The following RAB3C variants were observed in gnomAD, a reference collection of about 807,000 sequenced individuals.
The protein encoded by RAB3C is ras-related protein Rab-3C.
RAB3C carries 17 observed loss-of-function variants against 26.4 expected under a neutral mutation model. That is an observed-to-expected ratio of 0.64 (90% CI 0.44 to 0.97). The LOEUF (loss-of-function observed/expected upper bound fraction) is 0.97. Ranked by LOEUF, RAB3C falls within the 50% of genes least tolerant of loss-of-function variation. The pLI is 0.00. For missense variants in RAB3C, 242 were observed against 281.9 expected (o/e 0.86, Z 1.01); for synonymous variants, 91 against 95.9 (o/e 0.95, Z 0.30).
At chr5:58,659,550 C>G (rs1747854390) in intron 2 of RAB3C, among the ~76,000 whole-genome samples, 1 of 152,066 alleles carries the variant, frequency 6.6e-6, no homozygotes, top group Admixed American at 6.6e-5. Flanking sequence ...ATACTGTATC[C>G]CTCCAGAATC....
At chr5:58,624,719 C>A (rs1327655365) in intron 2 of RAB3C, among the ~76,000 whole-genome samples, 1 of 152,134 alleles carries the variant, frequency 6.6e-6, no homozygotes, top group Non-Finnish European at 1.5e-5. Context: ...TACAGTGGAA[C>A]ATGCAGGCAA....
intron 2 of RAB3C, among the ~76,000 whole-genome samples, chr5:58,657,356 C>T (rs569946255): frequency 1.3e-5 from 2 of 151,100 alleles, no homozygotes; most frequent in African/African-American, 2.4e-5. Context: ...ACTTATGTAA[C>T]CAAATACCAC....
chr5:58,798,934 A>G (rs1485855880), intron 3 of RAB3C, among the ~76,000 whole-genome samples: 1 of 152,222 alleles, frequency 6.6e-6, no homozygotes, highest in Non-Finnish European at 1.5e-5. Flanking sequence ...ACATAATAAA[A>G]AATGAAAAAG....
intron 4 of RAB3C, among the ~76,000 whole-genome samples, chr5:58,826,371 T>TGA (rs1282753307): frequency 6.6e-6 from 1 of 151,776 alleles, no homozygotes; most frequent in Non-Finnish European, 1.5e-5. Context: ...GAGCATAAGG[T>TGA]GAGAGGACAG....
Position 58,583,217 on chromosome 5 carries a change from C to A in RAB3C, c.9C>A (p.His3Gln). 1 of 1,614,178 alleles carries A rather than the reference C, an allele frequency of 6.2e-7. No individual in the cohort carries two copies. The highest frequency in any genetic ancestry group is 2.2e-5 in the East Asian group (1 of 44,868). MR[H>Q]EAPMQMASAQ... ...AAGGACATTTGCCAACAATGAGACA[C>A]GAAGCGCCCATGCAGGTGGGTCCAT... Residue 3 changes from histidine (H) to glutamine (Q), a missense_variant, in exon 1 of 5, where the codon CAC (histidine) becomes CAA (glutamine). Physicochemically the swap from His to Gln is conservative, Grantham distance 24. Transcript: ENST00000282878.
At chr5:58,641,848 C>T (rs1747418871) in intron 2 of RAB3C, among the ~76,000 whole-genome samples, 1 of 152,140 alleles carries the variant, frequency 6.6e-6, no homozygotes, top group Non-Finnish European at 1.5e-5. Flanking sequence ...TCTTTTTCTC[C>T]ACTTTTTGTT....
intron 2 of RAB3C, among the ~76,000 whole-genome samples, chr5:58,686,303 T>C (rs1748443319): frequency 6.6e-6 from 1 of 152,126 alleles, no homozygotes; most frequent in South Asian, 2.1e-4. Flanking sequence ...AACACATAGA[T>C]TGGCTCAGCA....
At chr5:58,819,349 C>G (rs1454932999) in intron 3 of RAB3C, among the ~76,000 whole-genome samples, 1 of 152,168 alleles carries the variant, frequency 6.6e-6, no homozygotes, top group African/African-American at 2.4e-5. Context: ...GGGATGGGAA[C>G]TGAATTACTA....
chr5:58,621,546 T>A (rs1443721957), intron 2 of RAB3C, among the ~76,000 whole-genome samples: 1 of 152,156 alleles, frequency 6.6e-6, no homozygotes, highest in Admixed American at 6.5e-5. Flanking sequence ...AAAATCAAAC[T>A]TGAGGCCAGG....
chr5:58,726,961 C>A (rs1169561287), intron 3 of RAB3C, among the ~76,000 whole-genome samples: 1 of 151,926 alleles, frequency 6.6e-6, no homozygotes, highest in African/African-American at 2.4e-5. Context: ...CTAGGTAGGG[C>A]TTTGTGTGAC....
At chr5:58,703,801 A>C (rs547040562) in intron 2 of RAB3C, among the ~76,000 whole-genome samples, 1 of 152,158 alleles carries the variant, frequency 6.6e-6, no homozygotes, top group African/African-American at 2.4e-5. Context: ...GCATCACTAC[A>C]CTAAACTTAT....
intron 3 of RAB3C, among the ~76,000 whole-genome samples, chr5:58,774,653 G>A (rs549510759): frequency 2.6e-5 from 4 of 152,192 alleles, no homozygotes; most frequent in African/African-American, 9.6e-5. Flanking sequence ...TGGGGGCAGA[G>A]TCTACTAGGG....
intron 3 of RAB3C, among the ~76,000 whole-genome samples, chr5:58,804,683 G>A (rs900292540): frequency 1.3e-5 from 2 of 151,976 alleles, no homozygotes; most frequent in Non-Finnish European, 2.9e-5. Context: ...GTGTGTGTGT[G>A]TGTGTGTATG....
chr5:58,753,091 A>T (rs1741569650), intron 3 of RAB3C, among the ~76,000 whole-genome samples: 1 of 152,198 alleles, frequency 6.6e-6, no homozygotes, highest in African/African-American at 2.4e-5. Flanking sequence ...TTCCTCCAAG[A>T]TTCATAAATA....
chr5:58,711,936 C>A (rs780130815), intron 2 of RAB3C, among the ~76,000 whole-genome samples: 2 of 152,102 alleles, frequency 1.3e-5, no homozygotes, highest in African/African-American at 2.4e-5. Flanking sequence ...AAACAGAAGC[C>A]TCTGCAATAC....
intron 4 of RAB3C, among the ~76,000 whole-genome samples, chr5:58,849,489 A>G (rs930974774): frequency 5.9e-5 from 9 of 152,190 alleles, no homozygotes; most frequent in Non-Finnish European, 1.2e-4. Context: ...AGACTGCACA[A>G]ACATTATAAA....
chr5:58,838,990 A>AT (rs34573892), intron 4 of RAB3C, among the ~76,000 whole-genome samples: 87,536 of 150,518 alleles, frequency 0.58, 25,579 homozygotes, highest in Middle Eastern at 0.71. Context: ...GACTTGAAGC[A>AT]TTTTTTTTTA....
intron 3 of RAB3C, among the ~76,000 whole-genome samples, chr5:58,766,211 A>G (rs1247152341): frequency 6.8e-6 from 1 of 147,746 alleles, no homozygotes; most frequent in East Asian, 2.0e-4. Context: ...TCCACCTCCC[A>G]GCTTTAAGCA....
At chr5:58,616,464 T>A (rs1746827619) in intron 1 of RAB3C, among the ~76,000 whole-genome samples, 1 of 152,148 alleles carries the variant, frequency 6.6e-6, no homozygotes, top group Non-Finnish European at 1.5e-5. Context: ...TCTAAATACC[T>A]CTTTTCTATA....
Sources: gnomAD v4.1 joint callset for allele counts (sites outside exome capture counted in the v4.1 genomes callset) on GRCh38, gnomAD v4.1.1 for gene constraint, MANE v1.5 for transcripts, NCBI Gene and HGNC (gene_info 2026-07-23, HGNC 2026-07-21) for gene names.